Variants in EFCAB11 observed in about 807,000 individuals in gnomAD.
EFCAB11 encodes the protein EF-hand calcium binding domain 11.
Under a neutral mutation model 23.0 loss-of-function variants are expected in EFCAB11, and 14 were observed. The ratio of observed to expected loss-of-function variants is 0.61; its 90% CI spans 0.40 to 0.95. The LOEUF (loss-of-function observed/expected upper bound fraction) is 0.95. Ranked by LOEUF, EFCAB11 falls within the 40% of genes least tolerant of loss-of-function variation. The pLI, the probability that EFCAB11 is intolerant of heterozygous loss-of-function variation, is 0.00. For missense variants in EFCAB11, 198 were observed against 195.8 expected (o/e 1.01, Z -0.07); for synonymous variants, 65 against 66.6 (o/e 0.98, Z 0.11).
chr14:89,834,372 T>C (rs1234655175), intron 5 of EFCAB11, among the ~76,000 whole-genome samples: 1 of 40,382 alleles, frequency 2.5e-5, no homozygotes, highest in Non-Finnish European at 4.4e-5. Context: ...TGAGACTCCG[T>C]CTCAAAAAAA....
At chr14:89,954,427 G>A in intron 1 of EFCAB11, 159 bp downstream of exon 1, 2 of 1,536,786 alleles carry the variant, frequency 1.3e-6, no homozygotes, top group Non-Finnish European at 8.7e-7. Flanking sequence ...GGAGCCAGGA[G>A]CCCTGCAGCT....
chr14:89,924,746 G>A, intron 5 of EFCAB11: 1 of 1,513,486 alleles, frequency 6.6e-7, no homozygotes, highest in Non-Finnish European at 8.8e-7. Flanking sequence ...GAGGAAAATG[G>A]AAAGCAAAGC....
intron 5 of EFCAB11, chr14:89,829,824 A>T (rs1886827010): frequency 6.6e-6 from 1 of 152,346 alleles, no homozygotes; most frequent in Non-Finnish European, 1.5e-5. Flanking sequence ...AGCATTTTGA[A>T]TTTTATTTTC....
intron 5 of EFCAB11, among the ~76,000 whole-genome samples, chr14:89,842,470 G>A (rs894077233): frequency 3.3e-5 from 5 of 152,190 alleles, no homozygotes; most frequent in African/African-American, 4.8e-5. Flanking sequence ...AGCTACTCAG[G>A]AGGCTGAGGT....
At chr14:89,892,872 A>G (rs755725141) in intron 5 of EFCAB11, among the ~76,000 whole-genome samples, 2 of 152,170 alleles carry the variant, frequency 1.3e-5, no homozygotes, top group Non-Finnish European at 2.9e-5. Flanking sequence ...ACTGCACTCC[A>G]GCCTGGGCAA....
rs1002421043 is a variant in EFCAB11, at chr14:89,854,970, C to A, written c.411-57646G>T. Among the ~76,000 whole-genome samples, 4 of 152,184 alleles carry A rather than the reference C, an allele frequency of 2.6e-5. No individual in the cohort carries two copies. In the East Asian group the frequency reaches 7.7e-4, roughly 29 times the overall value. On this transcript the variant is annotated intron_variant, in intron 5 of 5. Coordinates refer to ENST00000316738, the MANE Select transcript of EFCAB11 (RefSeq NM_145231.4). ...GTTTGATACACAATCTCCTCATTTACTGAGCTCCAACTTCCTATCTAAATA... is the reference window on the plus strand; with the variant it reads ...GTTTGATACACAATCTCCTCATTTAATGAGCTCCAACTTCCTATCTAAATA...
intron 5 of EFCAB11, among the ~76,000 whole-genome samples, chr14:89,844,381 T>C (rs1313211069): frequency 6.6e-6 from 1 of 152,196 alleles, no homozygotes; most frequent in Non-Finnish European, 1.5e-5. Flanking sequence ...TAAAATTGAA[T>C]GAAATAATTC....
At chr14:89,952,547 C>T in intron 2 of EFCAB11, 10 of 985,478 alleles carry the variant, frequency 1.0e-5, no homozygotes, top group Non-Finnish European at 1.1e-5. Flanking sequence ...TAATAAGCTT[C>T]TCAGTAACTA....
chr14:89,947,230 T>C (rs1188940661), intron 3 of EFCAB11, among the ~76,000 whole-genome samples: 1 of 152,168 alleles, frequency 6.6e-6, no homozygotes, highest in Admixed American at 6.5e-5. Flanking sequence ...TTTGGAAGTT[T>C]TAAATTATTC....
chr14:89,895,464 A>C (rs1372863028), intron 5 of EFCAB11, among the ~76,000 whole-genome samples: 1 of 152,230 alleles, frequency 6.6e-6, no homozygotes, highest in African/African-American at 2.4e-5. Flanking sequence ...TTATGAGGAC[A>C]GTGAGAAATT....
intron 5 of EFCAB11, among the ~76,000 whole-genome samples, chr14:89,898,666 CTTTTTTTT>C (rs36098790): frequency 3.3e-5 from 4 of 121,058 alleles, no homozygotes; most frequent in Non-Finnish European, 6.7e-5. Context: ...CGCCTGGCCT[CTTTTTTTT>C]TTTTTTTTTT....
rs542918729 is a variant in EFCAB11, at chr14:89,828,810, T to C, written c.411-31486A>G. The stretch of plus-strand genomic sequence containing the variant: ...TGCCAAAATTAAGATCCATATACAG[T>C]TGGGGAGATATTAGTGAAAAGACTG... On this transcript the variant is annotated intron_variant, in intron 5 of 5. Transcript: ENST00000316738. Among the ~76,000 whole-genome samples, 4 of 152,200 alleles carry C rather than the reference T, an allele frequency of 2.6e-5. No homozygotes were observed. In the East Asian group the frequency reaches 5.8e-4, roughly 22 times the overall value.
intron 5 of EFCAB11, among the ~76,000 whole-genome samples, chr14:89,820,806 G>A (rs1421899080): frequency 6.6e-6 from 1 of 151,968 alleles, no homozygotes; most frequent in East Asian, 1.9e-4. Flanking sequence ...CCTTGGCTAG[G>A]CTATGATGCC....
chr14:89,916,515 A>C (rs545860016), intron 5 of EFCAB11, among the ~76,000 whole-genome samples: 1 of 152,358 alleles, frequency 6.6e-6, no homozygotes, highest in East Asian at 1.9e-4. Flanking sequence ...CTCCAATTGA[A>C]AGCCTAGTAA....
rs187052473 is a variant in EFCAB11, at chr14:89,865,308, C to T, written c.410+66233G>A. On this transcript the variant is annotated intron_variant, in intron 5 of 5. Transcript: ENST00000316738. ...AGTTACAATCAGCCATACATTATAA[C>T]CTGGGAAAAGGCAACAGACTGATTC... Among the ~76,000 whole-genome samples the T allele has an allele frequency of 2.6e-5, 4 of 152,216 alleles. No individual in the cohort carries two copies. In the East Asian group the frequency reaches 7.7e-4, roughly 29 times the overall value.
intron 2 of EFCAB11, among the ~76,000 whole-genome samples, chr14:89,951,101 C>T (rs549737966): frequency 5.3e-4 from 81 of 152,290 alleles, no homozygotes; most frequent in Admixed American, 5.1e-3. Flanking sequence ...TAAAATCTAA[C>T]GGTGGATTTT....
intron 5 of EFCAB11, among the ~76,000 whole-genome samples, chr14:89,798,693 G>T (rs150636478): frequency 6.6e-6 from 1 of 152,284 alleles, no homozygotes; most frequent in African/African-American, 2.4e-5. Flanking sequence ...GTGTGTGTGC[G>T]AGTGTGCTTA....
intron 5 of EFCAB11, among the ~76,000 whole-genome samples, chr14:89,845,414 T>C (rs1887399899): frequency 6.6e-6 from 1 of 152,236 alleles, no homozygotes; most frequent in African/African-American, 2.4e-5. Context: ...TGCTTTCTTC[T>C]CCTTGCATAC....
intron 5 of EFCAB11, among the ~76,000 whole-genome samples, chr14:89,883,751 C>T (rs1246591701): frequency 2.0e-5 from 3 of 152,126 alleles, no homozygotes; most frequent in Non-Finnish European, 2.9e-5. Flanking sequence ...ACTTCTAAAC[C>T]ACTTCTCTGT....
Sources: gnomAD v4.1 joint callset for allele counts (sites outside exome capture counted in the v4.1 genomes callset) on GRCh38, gnomAD v4.1.1 for gene constraint, MANE v1.5 for transcripts, NCBI Gene and HGNC (gene_info 2026-07-23, HGNC 2026-07-21) for gene names.